Variants in MTIF2 observed in about 807,000 individuals in gnomAD.
MTIF2 encodes the protein translation initiation factor IF-2, mitochondrial.
MTIF2 carries 71 observed loss-of-function variants against 83.5 expected under a neutral mutation model. The observed-to-expected ratio is 0.85, with a 90% CI of 0.70 to 1.04. MTIF2 has a LOEUF of 1.04. MTIF2 is among the 50% of genes least tolerant of loss of function. MTIF2 has a pLI of 0.00. For missense variants in MTIF2, 957 were observed against 846.5 expected (o/e 1.13, Z -1.62); for synonymous variants, 319 against 287.1 (o/e 1.11, Z -1.12).
chr2:55,256,076 T>C (rs976877357), intron 5 of MTIF2, among the ~76,000 whole-genome samples: 2 of 152,096 alleles, frequency 1.3e-5, no homozygotes, highest in African/African-American at 2.4e-5. Context: ...GGTTTCACCA[T>C]GTTGGCTAGG....
chr2:55,237,659 T>TC (rs913949752), intron 14 of MTIF2, among the ~76,000 whole-genome samples: 3 of 143,016 alleles, frequency 2.1e-5, no homozygotes, highest in Non-Finnish European at 4.6e-5. Context: ...CTTTTTTTTT[T>TC]TTTTTTTTTG....
intron 5 of MTIF2, 66 bp downstream of exon 5, chr2:55,262,250 G>C: frequency 9.3e-7 from 1 of 1,074,306 alleles, no homozygotes; most frequent in Non-Finnish European, 1.4e-6. Context: ...CCTTAATCTC[G>C]TTGCAAATAA....
chr2:55,265,100 G>A (rs560708281), intron 3 of MTIF2, among the ~76,000 whole-genome samples: 24 of 151,838 alleles, frequency 1.6e-4, no homozygotes, highest in Admixed American at 1.3e-3. Flanking sequence ...AAAATCAGCC[G>A]GACATGGTGG....
intron 10 of MTIF2, 66 bp from the exon 11 acceptor site, chr2:55,244,299 T>G: frequency 8.2e-7 from 1 of 1,218,576 alleles, no homozygotes; most frequent in Non-Finnish European, 1.2e-6. Context: ...AAGATATCTT[T>G]ATGAAGTTTA....
intron 14 of MTIF2, among the ~76,000 whole-genome samples, chr2:55,237,679 C>G (rs1234600623): frequency 9.1e-6 from 1 of 109,726 alleles, no homozygotes; most frequent in Non-Finnish European, 1.7e-5. Flanking sequence ...GAGACAGAGT[C>G]TCACTCTGTC....
intron 7 of MTIF2, among the ~76,000 whole-genome samples, chr2:55,252,925 T>C (rs1299662060): frequency 6.6e-6 from 1 of 152,162 alleles, no homozygotes; most frequent in Admixed American, 6.5e-5. Context: ...TATCAACTGA[T>C]ATATCTATTT....
At chr2:55,261,657 G>A (rs1678004750) in intron 5 of MTIF2, among the ~76,000 whole-genome samples, 1 of 151,540 alleles carries the variant, frequency 6.6e-6, no homozygotes, top group East Asian at 1.9e-4. Flanking sequence ...AAAATTATAG[G>A]GCCAGGCGTG....
At chr2:55,250,872 T>C (rs1326960969) in intron 8 of MTIF2, among the ~76,000 whole-genome samples, 5 of 151,974 alleles carry the variant, frequency 3.3e-5, no homozygotes, top group Non-Finnish European at 7.4e-5. Flanking sequence ...TCCCAGGACT[T>C]TGGGAGGTGG....
At chr2:55,256,891 TTCTTGC>T (rs1677589114) in intron 5 of MTIF2, among the ~76,000 whole-genome samples, 1 of 151,920 alleles carries the variant, frequency 6.6e-6, no homozygotes, top group Non-Finnish European at 1.5e-5. Flanking sequence ...TAGAGAAGGG[TTCTTGC>T]CATTTTGCCC....
chr2:55,263,639 C>T lies in MTIF2; in HGVS notation c.219+1G>A, dbSNP rs1346289591. The T allele has an allele frequency of 5.7e-6, 9 of 1,588,264 alleles. No homozygotes were observed. Among genetic ancestry groups the T allele is most frequent in the Non-Finnish European group, 4.3e-6 (5 of 1,169,950 alleles). On this transcript the variant is annotated splice_donor_variant, in intron 4 of 15. Coordinates refer to ENST00000263629, the MANE Select transcript of MTIF2 (RefSeq NM_002453.3). LOFTEE classifies it high-confidence loss of function. Reference sequence around the variant, plus strand: ...AAAAAAAAAAAGAAATCTGTAACTACCTTTTTTGTTACTAGAAGCCTATAC... The same window carrying T: ...AAAAAAAAAAAGAAATCTGTAACTATCTTTTTTGTTACTAGAAGCCTATAC...
intron 3 of MTIF2, among the ~76,000 whole-genome samples, chr2:55,267,348 G>A (rs556289125): frequency 2.0e-5 from 3 of 150,440 alleles, no homozygotes; most frequent in East Asian, 2.0e-4. Context: ...TAGTAGAGAC[G>A]GGGTTTCACC....
intron 3 of MTIF2, among the ~76,000 whole-genome samples, chr2:55,264,891 T>G (rs937284472): frequency 6.6e-6 from 1 of 152,116 alleles, no homozygotes; most frequent in African/African-American, 2.4e-5. Flanking sequence ...AAGACTGCAT[T>G]TCTATGGCTT....
At position 55,236,656 on chromosome 2, in the gene MTIF2, C is replaced by G; in HGVS notation, c.2176G>C (p.Gly726Arg). The change falls in exon 16 of 16, where the codon GGA becomes CGA. Residue 726 changes from glycine (G) to arginine (R), a missense_variant. This residue lies in a region of MTIF2 where 221 missense variants were observed against 180.6 expected (regional missense o/e 1.22). Transcript: ENST00000263629. The stretch of plus-strand genomic sequence containing the variant: ...ACATTTTTAATGTAATTTTAAAATC[C>G]TGGATCCCAAGAAGTCTTGGCTTGA... ...QIQAKTSWDP[G>R]F 6.3e-7 allele frequency: 1 copy of G among 1,586,088 alleles called. No homozygotes were observed. Among genetic ancestry groups the G allele is most frequent in the Non-Finnish European group, 8.5e-7 (1 of 1,171,388 alleles).
intron 13 of MTIF2, among the ~76,000 whole-genome samples, chr2:55,241,930 C>A (rs1393642100): frequency 6.6e-6 from 1 of 151,944 alleles, no homozygotes; most frequent in Non-Finnish European, 1.5e-5. Flanking sequence ...GGTAGACCAC[C>A]TAGGTCAGGG....
intron 2 of MTIF2, 163 bp from the exon 3 acceptor site, chr2:55,267,798 T>C (rs1678546342): frequency 1.3e-5 from 2 of 152,332 alleles, no homozygotes; most frequent in South Asian, 4.1e-4. Flanking sequence ...TCATTGCTTA[T>C]AAGTTAAAAA....
At chr2:55,253,162 A>G (rs1178424017) in intron 7 of MTIF2, among the ~76,000 whole-genome samples, 1 of 152,226 alleles carries the variant, frequency 6.6e-6, no homozygotes, top group Non-Finnish European at 1.5e-5. Flanking sequence ...AAGTGCAACT[A>G]TTAATACCTA....
At chr2:55,243,718 CTAGAT>C (rs761221645) in intron 11 of MTIF2, 50 bp from the exon 12 acceptor site, 27 of 1,576,256 alleles carry the variant, frequency 1.7e-5, no homozygotes, top group Non-Finnish European at 2.2e-5. Context: ...TCAATAACTG[CTAGAT>C]TAAAGCCTTT....
intron 13 of MTIF2, among the ~76,000 whole-genome samples, chr2:55,242,270 A>G (rs1249872844): frequency 6.6e-6 from 1 of 152,204 alleles, no homozygotes; most frequent in African/African-American, 2.4e-5. Flanking sequence ...TGTTACCTCT[A>G]TCCTTTTCAG....
chr2:55,256,637 G>A (rs114256124), intron 5 of MTIF2, among the ~76,000 whole-genome samples: 10,570 of 151,202 alleles, frequency 0.07, 492 homozygotes, highest in Admixed American at 0.13. Context: ...GGAGACAGAG[G>A]TTGAAGTAAG....
Sources: allele counts gnomAD v4.1 joint callset (sites outside exome capture counted in the v4.1 genomes callset), GRCh38; gene constraint gnomAD v4.1.1; regional missense constraint gnomAD v4.1.1; transcripts MANE v1.5; gene names NCBI Gene and HGNC (gene_info 2026-07-23, HGNC 2026-07-21).